Variants in BCAS4 observed in about 807,000 individuals in gnomAD.
The protein encoded by BCAS4 is breast carcinoma amplified sequence 4.
A neutral mutation model predicts 15.7 loss-of-function variants in BCAS4; 9 were observed. The ratio of observed to expected loss-of-function variants is 0.57; its 90% CI spans 0.34 to 1.00. BCAS4 has a LOEUF of 1.00. BCAS4 is among the 50% of genes least tolerant of loss of function. The pLI, the probability that BCAS4 is intolerant of heterozygous loss-of-function variation, is 0.02. For missense variants in BCAS4, 225 were observed against 239.1 expected (o/e 0.94, Z 0.39); for synonymous variants, 101 against 99.5 (o/e 1.02, Z -0.09).
At chr20:50,868,155 A>T (rs953324554) in intron 4 of BCAS4, among the ~76,000 whole-genome samples, 1 of 152,162 alleles carries the variant, frequency 6.6e-6, no homozygotes, top group Non-Finnish European at 1.5e-5. Flanking sequence ...CATAGCAAGG[A>T]TACTCAACAT....
chr20:50,796,472 TATATATATATATATA>T (rs1265050381), intron 1 of BCAS4, among the ~76,000 whole-genome samples: 14 of 12,910 alleles, frequency 1.1e-3, no homozygotes, highest in Non-Finnish European at 1.4e-3. Flanking sequence ...TATATATATA[TATATATATATATATA>T]TTTTTTTTTT....
In BCAS4 at chr20:50,876,825, G is replaced by C; in HGVS notation, c.*217G>C. The C allele has an allele frequency of 2.2e-6, 1 of 456,122 alleles. No individual in the cohort carries two copies. The highest frequency in any genetic ancestry group is 3.4e-6 in the Non-Finnish European group (1 of 291,124). 28.3% of individuals were successfully genotyped at this position (456,122 alleles called of 1,614,324 possible). ...TTCCAAAGTGGTGGGATTATGGGCA[G>C]GAGCCTCCGTGCCCAGGCTGCTGCC... On this transcript the variant is annotated 3_prime_UTR_variant, in exon 5 of 5. Coordinates refer to ENST00000371608, the MANE Select transcript of BCAS4 (RefSeq NM_198799.4).
chr20:50,809,455 C>T (rs1483198797), intron 1 of BCAS4, among the ~76,000 whole-genome samples: 4 of 152,114 alleles, frequency 2.6e-5, no homozygotes, highest in East Asian at 1.9e-4. Flanking sequence ...GCGATCCACC[C>T]GCCTCGGCCT....
intron 4 of BCAS4, among the ~76,000 whole-genome samples, chr20:50,853,538 C>A (rs370601520): frequency 6.6e-6 from 1 of 152,066 alleles, no homozygotes; most frequent in Non-Finnish European, 1.5e-5. Context: ...AAACCCCATT[C>A]GCCCTTAAGA....
Position 50,851,885 on chromosome 20 carries a change from G to A in BCAS4, c.399+9985G>A, listed in dbSNP as rs556697963. On this transcript the variant is annotated intron_variant, in intron 4 of 4. Coordinates refer to ENST00000371608, the MANE Select transcript of BCAS4 (RefSeq NM_198799.4). The surrounding 1 kb of genome is among the most constrained non-coding windows in gnomAD (Gnocchi z 4.3). ...CTGGGGTCCCCTAACCCAAACCCTCGTTCATTGCCTGGCGGGCACATGGCC... is the reference window on the plus strand; with the variant it reads ...CTGGGGTCCCCTAACCCAAACCCTCATTCATTGCCTGGCGGGCACATGGCC... Among the ~76,000 whole-genome samples, 2 of 152,330 alleles carry A rather than the reference G, an allele frequency of 1.3e-5. No individual in the cohort carries two copies. The highest frequency in any genetic ancestry group is 4.8e-5 in the African/African-American group (2 of 41,570).
chr20:50,848,777 G>A (rs1253873441), intron 4 of BCAS4, among the ~76,000 whole-genome samples: 1 of 152,234 alleles, frequency 6.6e-6, no homozygotes, highest in Non-Finnish European at 1.5e-5. Context: ...TCCTCCCCTG[G>A]AAATATCTAA....
chr20:50,853,420 G>A (rs573144140), intron 4 of BCAS4, among the ~76,000 whole-genome samples: 22 of 152,146 alleles, frequency 1.4e-4, no homozygotes, highest in African/African-American at 4.8e-4. Context: ...GATTACAGGT[G>A]TAAGCCACCT....
At chr20:50,798,328 G>A (rs2087890828) in intron 1 of BCAS4, among the ~76,000 whole-genome samples, 3 of 151,856 alleles carry the variant, frequency 2.0e-5, no homozygotes, top group Admixed American at 6.6e-5. Context: ...AAACCCAAAA[G>A]AATTAAAAAA....
intron 2 of BCAS4, among the ~76,000 whole-genome samples, chr20:50,826,995 G>A (rs554078578): frequency 4.1e-4 from 62 of 151,742 alleles, no homozygotes; most frequent in East Asian, 1.5e-3. Context: ...AACAACCCAC[G>A]ACCCCCCACC....
intron 1 of BCAS4, among the ~76,000 whole-genome samples, chr20:50,812,651 G>A (rs1453304577): frequency 6.6e-6 from 1 of 151,902 alleles, no homozygotes; most frequent in Non-Finnish European, 1.5e-5. Context: ...TCTTGGCCAG[G>A]CTGGTCTCGA....
chr20:50,874,058 T>G (rs903264000), intron 4 of BCAS4, among the ~76,000 whole-genome samples: 1 of 152,178 alleles, frequency 6.6e-6, no homozygotes, highest in Non-Finnish European at 1.5e-5. Flanking sequence ...GGGGGACACA[T>G]GAAACAGCCT....
chr20:50,825,605 A>C (rs1351552045), intron 2 of BCAS4, among the ~76,000 whole-genome samples: 2 of 152,330 alleles, frequency 1.3e-5, no homozygotes, highest in East Asian at 3.9e-4. Flanking sequence ...GGCTAGGAGC[A>C]GTGGCTCATG....
intron 1 of BCAS4, among the ~76,000 whole-genome samples, chr20:50,799,473 C>T (rs1412826914): frequency 5.9e-5 from 9 of 152,182 alleles, no homozygotes; most frequent in African/African-American, 2.2e-4. Flanking sequence ...GAACAGTTTC[C>T]AGGTGGGCAC....
chr20:50,871,096 A>T (rs960652997), intron 4 of BCAS4, among the ~76,000 whole-genome samples: 1 of 152,170 alleles, frequency 6.6e-6, no homozygotes, highest in Non-Finnish European at 1.5e-5. Context: ...GAGAGCTCTG[A>T]AGTCTTCTCT....
intron 4 of BCAS4, among the ~76,000 whole-genome samples, chr20:50,861,846 C>CTTTTT (rs773052138): frequency 4.9e-4 from 54 of 109,260 alleles, no homozygotes; most frequent in East Asian, 1.5e-3. Context: ...TCTTCTTCTC[C>CTTTTT]TTTTTTTTTT....
At chr20:50,867,783 G>A (rs1465403264) in intron 4 of BCAS4, among the ~76,000 whole-genome samples, 5 of 152,146 alleles carry the variant, frequency 3.3e-5, no homozygotes, top group Non-Finnish European at 4.4e-5. Context: ...GTGTGGTGGC[G>A]CACGCGTGTA....
chr20:50,812,689 C>T (rs1040463740), intron 1 of BCAS4, among the ~76,000 whole-genome samples: 4 of 152,224 alleles, frequency 2.6e-5, no homozygotes, highest in Non-Finnish European at 5.9e-5. Context: ...ACCTGCCTGC[C>T]TCGGCCTCCC....
chr20:50,798,793 A>G (rs2087895449), intron 1 of BCAS4, among the ~76,000 whole-genome samples: 1 of 152,182 alleles, frequency 6.6e-6, no homozygotes, highest in South Asian at 2.1e-4. Context: ...ATTCCTGAGC[A>G]CATACTGTGT....
chr20:50,838,875 C>T (rs1057282867), intron 3 of BCAS4, among the ~76,000 whole-genome samples: 4 of 151,896 alleles, frequency 2.6e-5, no homozygotes, highest in Admixed American at 2.6e-4. Context: ...CAAACACCCA[C>T]ACACACAAGC....
Sources: gnomAD v4.1 joint callset for allele counts (sites outside exome capture counted in the v4.1 genomes callset) on GRCh38, gnomAD v4.1.1 for gene constraint, Gnocchi (gnomAD v3.1) non-coding constraint, MANE v1.5 for transcripts, NCBI Gene and HGNC (gene_info 2026-07-23, HGNC 2026-07-21) for gene names.